The following CYP27C1 variants were observed in gnomAD, a reference collection of about 807,000 sequenced individuals.
The protein encoded by CYP27C1 is cytochrome P450 27C1.
In CYP27C1, 29 loss-of-function variants were observed where a neutral mutation model predicts 40.6. The ratio of observed to expected loss-of-function variants is 0.71; its 90% CI spans 0.53 to 0.97. The LOEUF is 0.97. Among genes scored for constraint, CYP27C1 ranks in the 50% least tolerant of loss-of-function variants. CYP27C1 has a pLI of 0.00. For missense variants in CYP27C1, 390 were observed against 485.8 expected (o/e 0.80, Z 1.85); for synonymous variants, 198 against 186.8 (o/e 1.06, Z -0.49).
rs1336827282 is a variant in CYP27C1 at position 127,204,485 on chromosome 2, A to AAAGAAAGAAAGGAAGG, written c.474-915_474-914insCCTTCCTTTCTTTCTT. On this transcript the variant is annotated intron_variant, in intron 2 of 8. Coordinates refer to ENST00000664447, the MANE Select transcript of CYP27C1 (RefSeq NM_001367502.1). Reference sequence around the variant, plus strand: ...GAAAGAAAGAAAGAAAGAAAGAAAGAAAGGAAGGAAGGAAGGAAGGAAAGA... The same window carrying AAAGAAAGAAAGGAAGG: ...GAAAGAAAGAAAGAAAGAAAGAAAGAAAGAAAGAAAGGAAGGAAGGAAGGAAGGAAGGAAGGAAAGA... Among the ~76,000 whole-genome samples, 16 of 60,208 alleles carry AAAGAAAGAAAGGAAGG rather than the reference A, an allele frequency of 2.7e-4. 2 individuals carry two copies. The highest frequency in any genetic ancestry group is 1.1e-3 in the African/African-American group (16 of 14,754). 39.5% of individuals were successfully genotyped at this position (60,208 alleles called of 152,430 possible).
In CYP27C1 at chr2:127,218,612, T is replaced by C. The variant is rs1683488576; in HGVS notation, c.282+1377A>G. Among the ~76,000 whole-genome samples, 1 of 152,122 alleles carries C rather than the reference T, an allele frequency of 6.6e-6. No homozygotes were observed. Among genetic ancestry groups the C allele is most frequent in the South Asian group, 2.1e-4 (1 of 4,822 alleles). ...ACGCCCGTTTTTCCATTAATGAGGG[T>C]TGGGGCTTCTCCCTCACGTTCATTG... is the stretch of plus-strand genomic sequence containing the variant. On this transcript the variant is annotated intron_variant, in intron 1 of 8. Transcript: ENST00000664447. This position sits in a 1 kb window ranked among gnomAD's most constrained non-coding sequence, Gnocchi z 6.0.
Position 127,196,472 on chromosome 2 carries a change from A to T in CYP27C1, c.1048-971T>A, listed in dbSNP as rs950955954. 5.3e-5 allele frequency among the ~76,000 whole-genome samples: 8 copies of T among 151,940 alleles called. No homozygotes were observed. The highest frequency in any genetic ancestry group is 1.9e-4 in the African/African-American group (8 of 41,346). On this transcript the variant is annotated intron_variant, in intron 5 of 8. Transcript: ENST00000664447. This position sits in a 1 kb window ranked among gnomAD's most constrained non-coding sequence, Gnocchi z 4.5. ...TAAAATCAATAGTATCATCTATGGGACTACATTTCACTCTCTAGTAAACAA... is the reference window on the plus strand; with the variant it reads ...TAAAATCAATAGTATCATCTATGGGTCTACATTTCACTCTCTAGTAAACAA...
chr2:127,211,871 A>G (rs1683345027), intron 1 of CYP27C1, among the ~76,000 whole-genome samples: 1 of 152,154 alleles, frequency 6.6e-6, no homozygotes, highest in Non-Finnish European at 1.5e-5. Context: ...TAGAGACATG[A>G]AAAACCCTCC....
intron 8 of CYP27C1, among the ~76,000 whole-genome samples, chr2:127,192,108 G>A (rs1682789476): frequency 6.6e-6 from 1 of 152,196 alleles, no homozygotes; most frequent in Admixed American, 6.5e-5. Flanking sequence ...GTCTCCCAGT[G>A]AGCCTGGAGG....
intron 8 of CYP27C1, among the ~76,000 whole-genome samples, chr2:127,190,331 C>CTTTTTTTTTTTTTTTTT (rs11400543): frequency 8.3e-6 from 1 of 120,228 alleles, no homozygotes. Flanking sequence ...TGTGGCTTCT[C>CTTTTTTTTTTTTTTTTT]TTTTTTTTTT....
chr2:127,204,469 AAAGAAAGAAAGAAAGAAAGGAAGG>A lies in CYP27C1; in HGVS notation c.474-922_474-899del, dbSNP rs1490249313. On this transcript the variant is annotated intron_variant, in intron 2 of 8. Coordinates refer to ENST00000664447, the MANE Select transcript of CYP27C1 (RefSeq NM_001367502.1). ...GAAAGAAAGAAAGAAAGAAAGAAAG[AAAGAAAGAAAGAAAGAAAGGAAGG>A]AAGGAAGGAAGGAAAGAAAGAAGGA... Among the ~76,000 whole-genome samples, 109 of 52,596 alleles carry A rather than the reference AAAGAAAGAAAGAAAGAAAGGAAGG, an allele frequency of 2.1e-3. 6 individuals carry two copies. The highest frequency in any genetic ancestry group is 5.7e-3 in the African/African-American group (87 of 15,290). 34.5% of individuals were successfully genotyped at this position (52,596 alleles called of 152,430 possible). A position where few individuals can be genotyped will look rare whatever the true frequency, so the allele number is the denominator to read the frequency against.
chr2:127,199,384 C>T lies in CYP27C1; in HGVS notation c.1039G>A (p.Val347Ile), dbSNP rs745713688. 25 of 1,613,804 alleles carry T rather than the reference C, an allele frequency of 1.5e-5. No individual in the cohort carries two copies. The highest frequency in any genetic ancestry group is 4.5e-5 in the East Asian group (2 of 44,886). ...ANVTEMLLAG[V>I]DTTSFTLSWT... ...AGGACCCCCAGACTCACCGTGTCGA[C>T]GCCGGCCAGCAGCATCTCAGTCACG... Residue 347 changes from valine to isoleucine, a missense_variant, in exon 5 of 9, where the codon GTC (valine) becomes ATC (isoleucine). Val to Ile is a conservative substitution (Grantham distance 29). Transcript: ENST00000664447.
At chr2:127,189,847 C>G (rs1181194860) in intron 8 of CYP27C1, among the ~76,000 whole-genome samples, 3 of 152,178 alleles carry the variant, frequency 2.0e-5, no homozygotes, top group African/African-American at 7.2e-5. Context: ...ATACATTCAG[C>G]CTGCCAACTG....
chr2:127,216,813 A>G (rs772431090), intron 1 of CYP27C1, among the ~76,000 whole-genome samples: 1 of 152,212 alleles, frequency 6.6e-6, no homozygotes, highest in African/African-American at 2.4e-5. Flanking sequence ...GGCTGGGGAA[A>G]GTTACTAAGA....
At position 127,193,248 on chromosome 2, in the gene CYP27C1, A is replaced by G; in HGVS notation, c.1343T>C (p.Phe448Ser). ...AGGCCGGAACTCCTTGGCCCGAGGGAAGTTCTCATCCTGGTACGATGTGGC... is the reference window on the plus strand; with the variant it reads ...AGGCCGGAACTCCTTGGCCCGAGGGGAGTTCTCATCCTGGTACGATGTGGC... ...HYATSYQDEN[F>S]PRAKEFRPER... Residue 448 changes from phenylalanine (F) to serine (S), a missense_variant, in exon 8 of 9, where the codon TTC (phenylalanine) becomes TCC (serine). Coordinates refer to ENST00000664447, the MANE Select transcript of CYP27C1 (RefSeq NM_001367502.1). 1 of 1,614,152 alleles carries G rather than the reference A, an allele frequency of 6.2e-7. No individual in the cohort carries two copies. The highest frequency in any genetic ancestry group is 8.5e-7 in the Non-Finnish European group (1 of 1,180,030).
At chr2:127,216,763 T>G (rs1683437749) in intron 1 of CYP27C1, among the ~76,000 whole-genome samples, 1 of 152,232 alleles carries the variant, frequency 6.6e-6, no homozygotes, top group Admixed American at 6.5e-5. Flanking sequence ...ACAAAAGTGA[T>G]GAGCCTCTAA....
At chr2:127,190,342 C>CTTTTTTTTTT (rs1241035422) in intron 8 of CYP27C1, among the ~76,000 whole-genome samples, 18 of 96,642 alleles carry the variant, frequency 1.9e-4, no homozygotes, top group Non-Finnish European at 2.5e-4. Flanking sequence ...TTTTTTTTTT[C>CTTTTTTTTTT]TTTTTTTTTT....
rs985086672 is a variant in CYP27C1, at chr2:127,189,634, A to G, written c.1498-2247T>C. 2.0e-5 allele frequency among the ~76,000 whole-genome samples: 3 copies of G among 152,074 alleles called. No individual in the cohort carries two copies. In the East Asian group the frequency reaches 5.8e-4, roughly 29 times the overall value. On this transcript the variant is annotated intron_variant, in intron 8 of 8. Coordinates refer to ENST00000664447, the MANE Select transcript of CYP27C1 (RefSeq NM_001367502.1). ...TTAAAGTAAAATTAAAAAAAAAAAA[A>G]AAAAGAAAGGCTCCACTGTTGCTTC...
rs1463358624 is a variant in CYP27C1 at position 127,193,186 on chromosome 2, C to G, written c.1405G>C (p.Asp469His). 2.5e-6 allele frequency: 4 copies of G among 1,614,090 alleles called. No homozygotes were observed. The East Asian group carries it at 6.7e-5, about 27-fold the overall frequency. ...WLRKGDLDRVDNFGSIPFGHG... is the reference protein window; with the variant it reads ...WLRKGDLDRVHNFGSIPFGHG... ...CCAAAGGGGATGGATCCAAAATTGTCAACTCTATCTAAGTCTCCTTTCCGC... is the reference window on the plus strand; with the variant it reads ...CCAAAGGGGATGGATCCAAAATTGTGAACTCTATCTAAGTCTCCTTTCCGC... Residue 469 changes from aspartate to histidine, a missense_variant, in exon 8 of 9, where the codon GAC becomes CAC. Physicochemically the swap from Asp to His is moderately conservative, Grantham distance 81. Transcript: ENST00000664447.
chr2:127,195,202 G>A lies in CYP27C1; in HGVS notation c.1214+133C>T, dbSNP rs1179131842. 64 of 1,080,994 alleles carry A rather than the reference G, an allele frequency of 5.9e-5. No individual in the cohort carries two copies. Among genetic ancestry groups the A allele is most frequent in the Non-Finnish European group, 8.5e-5 (63 of 743,268 alleles). The allele number at this position is 1,080,994 out of a possible 1,614,324, so 67.0% of individuals were successfully genotyped here. On this transcript the variant is annotated intron_variant, in intron 6 of 8. Transcript: ENST00000664447. This position sits in a 1 kb window ranked among gnomAD's most constrained non-coding sequence, Gnocchi z 6.2. Reference sequence around the variant, plus strand: ...TCTTTCTGCTATTCTGACAAGAGCAGAGAAAAAATAACAGTCACGAACATC... The same window carrying A: ...TCTTTCTGCTATTCTGACAAGAGCAAAGAAAAAATAACAGTCACGAACATC...
At position 127,219,347 on chromosome 2, in the gene CYP27C1, T is replaced by C. The variant is rs1683502502; in HGVS notation, c.282+642A>G. Among the ~76,000 whole-genome samples the C allele has an allele frequency of 6.7e-6, 1 of 150,260 alleles. No homozygotes were observed. Among genetic ancestry groups the C allele is most frequent in the African/African-American group, 2.5e-5 (1 of 40,714 alleles). On this transcript the variant is annotated intron_variant, in intron 1 of 8. Transcript: ENST00000664447. The surrounding 1 kb of genome is among the most constrained non-coding windows in gnomAD (Gnocchi z 8.7). Reference sequence around the variant, plus strand: ...GCCCGCTGCCCCTCCCCAAGTCTCCTCCTCCGGGACCTCAGCCCTGGTGCC... The same window carrying C: ...GCCCGCTGCCCCTCCCCAAGTCTCCCCCTCCGGGACCTCAGCCCTGGTGCC...
rs960072973 is a variant in CYP27C1, at chr2:127,192,617, C to G, written c.1497+477G>C. Among the ~76,000 whole-genome samples the G allele has an allele frequency of 1.0e-4, 7 of 68,964 alleles. No homozygotes were observed. The Admixed American group carries it at 1.1e-3, about 11-fold the overall frequency. The allele number at this position is 68,964 out of a possible 152,430, so 45.2% of individuals were successfully genotyped here. Reference sequence around the variant, plus strand: ...CCAGCAAGAGCACCACTGTGCCTTTCCCGGGGGGGGGGGCTGCTGCTGACG... The same window carrying G: ...CCAGCAAGAGCACCACTGTGCCTTTGCCGGGGGGGGGGGCTGCTGCTGACG... On this transcript the variant is annotated intron_variant, in intron 8 of 8. Transcript: ENST00000664447.
chr2:127,198,409 A>G (rs1462454915), intron 5 of CYP27C1, among the ~76,000 whole-genome samples: 3 of 152,190 alleles, frequency 2.0e-5, no homozygotes, highest in Non-Finnish European at 4.4e-5. Context: ...TACCCTCTTC[A>G]TGTATGAAAT....
At chr2:127,205,569 G>T in intron 2 of CYP27C1, 1 of 553,430 alleles carries the variant, frequency 1.8e-6, no homozygotes, top group Non-Finnish European at 2.3e-6. Context: ...CCTGTGCACA[G>T]ACAAGGGCGC....
Sources: allele counts gnomAD v4.1 joint callset (sites outside exome capture counted in the v4.1 genomes callset), GRCh38; gene constraint gnomAD v4.1.1; non-coding constraint Gnocchi (gnomAD v3.1); transcripts MANE v1.5; gene names NCBI Gene and HGNC (gene_info 2026-07-23, HGNC 2026-07-21).